Variants in RORA observed in about 807,000 individuals in gnomAD.
RORA encodes RAR related orphan receptor A.
A neutral mutation model predicts 69.5 loss-of-function variants in RORA; 7 were observed. The observed-to-expected ratio is 0.10, with a 90% confidence interval of 0.06 to 0.19. RORA has a LOEUF of 0.19. Ranked by LOEUF, RORA falls within the 10% of genes least tolerant of loss-of-function variation. The pLI, the probability that RORA is intolerant of heterozygous loss-of-function variation, is 1.00. For synonymous variants in RORA, 261 were observed against 240.8 expected (o/e 1.08, Z -0.78); for missense variants, 457 against 663.0 (o/e 0.69, Z 3.41).
At chr15:60,964,330 C>CAG (rs1249216497) in intron 1 of RORA, among the ~76,000 whole-genome samples, 1 of 152,144 alleles carries the variant, frequency 6.6e-6, no homozygotes, top group Non-Finnish European at 1.5e-5. Flanking sequence ...CTTTATGAAG[C>CAG]AGAGATCCCA....
At chr15:60,503,693 A>T in intron 6 of RORA, 26 bp from the exon 7 acceptor site, 1 of 1,611,848 alleles carries the variant, frequency 6.2e-7, no homozygotes, top group Non-Finnish European at 8.5e-7. Context: ...ACACATTAAC[A>T]TCCTCCAGGA....
chr15:61,203,012 A>G (rs894034005), intron 1 of RORA, among the ~76,000 whole-genome samples: 3 of 152,220 alleles, frequency 2.0e-5, no homozygotes, highest in Admixed American at 1.3e-4. Context: ...TAAGATACAA[A>G]TAACAGAAAT....
chr15:60,868,753 T>C (rs191840237), intron 1 of RORA, among the ~76,000 whole-genome samples: 25 of 152,336 alleles, frequency 1.6e-4, no homozygotes, highest in Admixed American at 2.6e-4. Context: ...CCTTCTTTCA[T>C]GTGTAAATTT....
Position 60,838,877 on chromosome 15 carries a change from C to G in RORA, c.167-160191G>C, listed in dbSNP as rs868004419. 1.1e-4 allele frequency among the ~76,000 whole-genome samples: 8 copies of G among 76,070 alleles called. No homozygotes were observed. The East Asian group carries it at 1.8e-3, about 17-fold the overall frequency. The allele number at this position is 76,070 out of a possible 152,430, so 49.9% of individuals were successfully genotyped here. ...ACACACACACACACACACACACACA[C>G]ACACACACACATATACTTTTTTTTT... is the stretch of plus-strand genomic sequence containing the variant. On this transcript the variant is annotated intron_variant, in intron 1 of 10. Transcript: ENST00000335670.
At chr15:60,664,934 A>G (rs576293346) in intron 2 of RORA, among the ~76,000 whole-genome samples, 16 of 152,318 alleles carry the variant, frequency 1.1e-4, no homozygotes, top group African/African-American at 3.6e-4. Context: ...TGAAGGCTAA[A>G]GGACATTTTT....
At chr15:60,556,955 T>C (rs202025420) in intron 2 of RORA, 130 of 1,577,006 alleles carry the variant, frequency 8.2e-5, no homozygotes, top group Non-Finnish European at 1.1e-4. Context: ...AATCCAATGA[T>C]AAAGGACAAA....
intron 1 of RORA, among the ~76,000 whole-genome samples, chr15:61,138,547 TGA>T (rs1309510524): frequency 1.3e-5 from 2 of 152,134 alleles, no homozygotes; most frequent in Non-Finnish European, 2.9e-5. Context: ...CAAAAATGTG[TGA>T]GTCTTTATAT....
intron 1 of RORA, among the ~76,000 whole-genome samples, chr15:60,959,947 C>T (rs940220): frequency 0.99 from 150,460 of 152,304 alleles, 74,347 homozygotes; most frequent in Middle Eastern, 1. Context: ...GGTAAGGGTG[C>T]GGGCTTGCCA....
rs1201456830 is a variant in RORA at position 60,537,081 on chromosome 15, CCT to C, written c.197-5232_197-5231del. Among the ~76,000 whole-genome samples, 8 of 152,126 alleles carry C rather than the reference CCT, an allele frequency of 5.3e-5. No individual in the cohort carries two copies. The highest frequency in any genetic ancestry group is 7.2e-5 in the African/African-American group (3 of 41,408). On this transcript the variant is annotated intron_variant, in intron 2 of 10. Transcript: ENST00000335670. This position sits in a 1 kb window ranked among gnomAD's most constrained non-coding sequence, Gnocchi z 4.9. ...ATGGATTAGTCACTTTATTTTATCC[CCT>C]GTTTAAAACTGCCAGGGTATTAAAG...
intron 1 of RORA, among the ~76,000 whole-genome samples, chr15:60,959,496 A>G (rs1893357029): frequency 6.6e-6 from 1 of 152,206 alleles, no homozygotes; most frequent in African/African-American, 2.4e-5. Flanking sequence ...ATGTTGAAAG[A>G]TGTTTCCAGG....
chr15:61,046,477 C>T (rs931788832), intron 1 of RORA, among the ~76,000 whole-genome samples: 3 of 152,122 alleles, frequency 2.0e-5, no homozygotes, highest in Non-Finnish European at 2.9e-5. Context: ...AACTGAGTGT[C>T]GCAATCATCC....
intron 2 of RORA, chr15:60,678,356 TA>T: frequency 3.5e-6 from 1 of 286,862 alleles, no homozygotes; most frequent in Non-Finnish European, 6.6e-6. Context: ...GGATCTAGGA[TA>T]AGGGTGATCA....
chr15:60,837,614 C>G (rs750680314), intron 1 of RORA, among the ~76,000 whole-genome samples: 9 of 152,194 alleles, frequency 5.9e-5, no homozygotes, highest in Non-Finnish European at 1.2e-4. Context: ...CGCACCCACT[C>G]TAAGTCATGT....
intron 2 of RORA, among the ~76,000 whole-genome samples, chr15:60,644,526 G>A (rs1264943318): frequency 6.6e-6 from 1 of 152,160 alleles, no homozygotes; most frequent in Non-Finnish European, 1.5e-5. Flanking sequence ...AAAAATTATG[G>A]AATATTTTTA....
At chr15:60,623,263 A>C (rs1379546302) in intron 2 of RORA, among the ~76,000 whole-genome samples, 1 of 152,148 alleles carries the variant, frequency 6.6e-6, no homozygotes, top group African/African-American at 2.4e-5. Context: ...AGGGACCCCC[A>C]GGAATCTGGA....
At chr15:60,533,152 G>T (rs1415834716) in intron 2 of RORA, among the ~76,000 whole-genome samples, 1 of 152,186 alleles carries the variant, frequency 6.6e-6, no homozygotes, top group Middle Eastern at 3.2e-3. Flanking sequence ...CATGTGTACT[G>T]CTAACTCCCT....
intron 2 of RORA, among the ~76,000 whole-genome samples, chr15:60,619,220 G>A (rs561513903): frequency 1.3e-5 from 2 of 152,318 alleles, no homozygotes; most frequent in South Asian, 2.1e-4. Flanking sequence ...AAGCATGATC[G>A]TGGTAACGAA....
intron 1 of RORA, among the ~76,000 whole-genome samples, chr15:60,885,618 A>T (rs1008432606): frequency 6.6e-6 from 1 of 152,206 alleles, no homozygotes; most frequent in African/African-American, 2.4e-5. Flanking sequence ...TCTACTTTCA[A>T]TGTTGGCTTT....
intron 1 of RORA, among the ~76,000 whole-genome samples, chr15:61,000,782 A>G (rs1894720288): frequency 6.6e-6 from 1 of 152,208 alleles, no homozygotes; most frequent in African/African-American, 2.4e-5. Flanking sequence ...GGCCATTTCC[A>G]GAGGGAGATC....
Sources: allele counts gnomAD v4.1 joint callset (sites outside exome capture counted in the v4.1 genomes callset), GRCh38; gene constraint gnomAD v4.1.1; non-coding constraint Gnocchi (gnomAD v3.1); transcripts MANE v1.5; gene names NCBI Gene and HGNC (gene_info 2026-07-23, HGNC 2026-07-21).